The following PLCB4 variants were observed in gnomAD, a reference collection of about 807,000 sequenced individuals.
The protein encoded by PLCB4 is phospholipase C beta 4, also known as 1-phosphatidylinositol 4,5-bisphosphate phosphodiesterase beta-4.
Under a neutral mutation model 178.8 loss-of-function variants are expected in PLCB4, and 77 were observed. The ratio of observed to expected loss-of-function variants is 0.43; its 90% CI spans 0.36 to 0.52. PLCB4 has a LOEUF of 0.52. Ranked by LOEUF, PLCB4 falls within the 20% of genes least tolerant of loss-of-function variation. PLCB4 has a pLI of 0.00. For synonymous variants in PLCB4, 496 were observed against 490.8 expected (o/e 1.01, Z -0.14); for missense variants, 1,024 against 1,453.4 (o/e 0.70, Z 4.80).
intron 4 of PLCB4, among the ~76,000 whole-genome samples, chr20:9,335,312 C>T (rs2032300680): frequency 6.6e-6 from 1 of 152,086 alleles, no homozygotes; most frequent in Non-Finnish European, 1.5e-5. Flanking sequence ...TGAAACAACT[C>T]TTCTATACAT....
intron 28 of PLCB4, among the ~76,000 whole-genome samples, chr20:9,434,355 A>G (rs2041624332): frequency 6.6e-6 from 1 of 151,974 alleles, no homozygotes; most frequent in African/African-American, 2.4e-5. Flanking sequence ...CCATGTGCAG[A>G]TGTTATTTTA....
chr20:9,210,625 A>G lies in PLCB4; in HGVS notation c.-78-6765A>G, dbSNP rs193265704. 1.7e-3 allele frequency among the ~76,000 whole-genome samples: 256 copies of G among 152,290 alleles called. 1 individual carries two copies. The highest frequency in any genetic ancestry group is 5.7e-3 in the African/African-American group (238 of 41,562). On this transcript the variant is annotated intron_variant, in intron 2 of 39. Coordinates refer to ENST00000378473, the MANE Select transcript of PLCB4 (RefSeq NM_001377142.1). ...CTGTTGCCACATCATCCAAATTTCT[A>G]AGAGAAGCTGGGAGTCTGTATATTT...
chr20:9,248,983 C>T (rs1365719852), intron 3 of PLCB4, among the ~76,000 whole-genome samples: 2 of 152,212 alleles, frequency 1.3e-5, no homozygotes, highest in Admixed American at 6.5e-5. Context: ...CTTCCATTTC[C>T]AGCTTCTAGC....
chr20:9,331,871 T>G (rs188951006), intron 4 of PLCB4, among the ~76,000 whole-genome samples: 1 of 152,140 alleles, frequency 6.6e-6, no homozygotes, highest in African/African-American at 2.4e-5. Context: ...AAATAGCTTC[T>G]AGCAATGGTG....
At chr20:9,253,583 G>C (rs554735443) in intron 3 of PLCB4, among the ~76,000 whole-genome samples, 18 of 152,162 alleles carry the variant, frequency 1.2e-4, no homozygotes, top group African/African-American at 4.3e-4. Flanking sequence ...TCCAGTCTTT[G>C]TTTCCTTCAG....
chr20:9,195,723 C>T (rs1293441304), intron 2 of PLCB4, among the ~76,000 whole-genome samples: 1 of 152,140 alleles, frequency 6.6e-6, no homozygotes, highest in African/African-American at 2.4e-5. Context: ...ACTTTCCCGG[C>T]TCTCCAACAG....
At chr20:9,265,956 A>C (rs534935519) in intron 3 of PLCB4, among the ~76,000 whole-genome samples, 2 of 152,214 alleles carry the variant, frequency 1.3e-5, no homozygotes, top group African/African-American at 2.4e-5. Context: ...ATTTCGATGC[A>C]TGCTCAAATT....
At chr20:9,403,247 A>C (rs1822361124) in intron 20 of PLCB4, among the ~76,000 whole-genome samples, 1 of 152,238 alleles carries the variant, frequency 6.6e-6, no homozygotes, top group African/African-American at 2.4e-5. Context: ...TTGGGAGTTC[A>C]AAAGATCGTA....
chr20:9,415,969 A>G (rs2040215701), intron 25 of PLCB4, among the ~76,000 whole-genome samples: 1 of 152,188 alleles, frequency 6.6e-6, no homozygotes, highest in African/African-American at 2.4e-5. Context: ...CCTTGGACCC[A>G]GAACAGATGC....
chr20:9,134,315 G>A (rs529664790), intron 2 of PLCB4, among the ~76,000 whole-genome samples: 1 of 152,036 alleles, frequency 6.6e-6, no homozygotes, highest in African/African-American at 2.4e-5. Flanking sequence ...TTTCCTTCTT[G>A]GTAATGTACT....
chr20:9,136,296 A>G (rs1471053926), intron 2 of PLCB4, among the ~76,000 whole-genome samples: 1 of 152,108 alleles, frequency 6.6e-6, no homozygotes, highest in East Asian at 1.9e-4. Context: ...AAGCACCCGT[A>G]GGGGAGTGGA....
chr20:9,400,398 T>C (rs1211476512), intron 19 of PLCB4, among the ~76,000 whole-genome samples: 1 of 152,236 alleles, frequency 6.6e-6, no homozygotes. Flanking sequence ...TCAAAAAAAG[T>C]ACATCTTAGA....
rs189512934 is a variant in PLCB4 at position 9,266,315 on chromosome 20, G to T, written c.-15-41485G>T. The stretch of plus-strand genomic sequence containing the variant: ...GTATGTTTGTTTGTTTAACAAGCTC[G>T]CTTGGTAATTCATTTGCAGTTAAAG... On this transcript the variant is annotated intron_variant, in intron 3 of 39. Coordinates refer to ENST00000378473, the MANE Select transcript of PLCB4 (RefSeq NM_001377142.1). 5.3e-5 allele frequency among the ~76,000 whole-genome samples: 8 copies of T among 152,126 alleles called. No homozygotes were observed. The East Asian group carries it at 1.3e-3, about 26-fold the overall frequency.
chr20:9,400,752 T>C (rs1024286981), intron 19 of PLCB4, among the ~76,000 whole-genome samples: 3 of 152,164 alleles, frequency 2.0e-5, no homozygotes, highest in Admixed American at 1.3e-4. Flanking sequence ...AGCAGGTACT[T>C]CTTTTTTTTC....
intron 7 of PLCB4, among the ~76,000 whole-genome samples, chr20:9,349,065 A>C (rs989989637): frequency 1.5e-4 from 23 of 152,002 alleles, no homozygotes; most frequent in African/African-American, 5.3e-4. Flanking sequence ...AAAAAAAAAA[A>C]AGAAAAGAAA....
intron 32 of PLCB4, 84 bp downstream of exon 32, chr20:9,444,327 G>A (rs980949363): frequency 3.8e-6 from 3 of 799,070 alleles, no homozygotes; most frequent in Non-Finnish European, 6.4e-6. Context: ...GCTGATACCA[G>A]ACCACTTAAC....
At chr20:9,091,674 G>C (rs1408509381) in intron 1 of PLCB4, among the ~76,000 whole-genome samples, 1 of 150,666 alleles carries the variant, frequency 6.6e-6, no homozygotes, top group African/African-American at 2.4e-5. Context: ...TGAAATACTA[G>C]ATGCAAAGTG....
chr20:9,201,525 T>C (rs1446641206), intron 2 of PLCB4, among the ~76,000 whole-genome samples: 12 of 152,248 alleles, frequency 7.9e-5, no homozygotes, highest in Admixed American at 3.9e-4. Context: ...CTGCATGTTA[T>C]AACTGTGTAA....
At chr20:9,139,411 G>C (rs573748009) in intron 2 of PLCB4, among the ~76,000 whole-genome samples, 1 of 152,184 alleles carries the variant, frequency 6.6e-6, no homozygotes, top group East Asian at 1.9e-4. Flanking sequence ...CACATGGTTA[G>C]TAGTTGATGT....
Sources: allele counts gnomAD v4.1 joint callset (sites outside exome capture counted in the v4.1 genomes callset), GRCh38; gene constraint gnomAD v4.1.1; transcripts MANE v1.5; gene names NCBI Gene and HGNC (gene_info 2026-07-23, HGNC 2026-07-21).